The following C7orf78 variants were observed in gnomAD, a reference collection of about 807,000 sequenced individuals.
C7orf78 encodes the protein putative uncharacterized protein C7orf78.
the C7orf78 span, among the ~76,000 whole-genome samples, chr7:12,521,729 C>G: frequency 6.9e-6 from 1 of 145,080 alleles, no homozygotes; most frequent in South Asian, 2.3e-4. Flanking sequence ...TTCTGAAATA[C>G]AAATAACTTG....
the C7orf78 span, among the ~76,000 whole-genome samples, chr7:12,526,526 T>C: frequency 1.3e-5 from 2 of 152,186 alleles, no homozygotes. Context: ...TTAACAGTGT[T>C]TGTCTCTGGA....
At chr7:12,535,341 G>C in the C7orf78 span, among the ~76,000 whole-genome samples, 12 of 152,246 alleles carry the variant, frequency 7.9e-5, no homozygotes, top group African/African-American at 2.9e-4. Flanking sequence ...GATGGCAGCA[G>C]GCAAAAAGAG....
At chr7:12,490,486 A>T in the C7orf78 span, among the ~76,000 whole-genome samples, 1 of 152,264 alleles carries the variant, frequency 6.6e-6, no homozygotes, top group African/African-American at 2.4e-5. Context: ...AGGGGAAGGA[A>T]GATTTTTATT....
chr7:12,484,682 A>T, the C7orf78 span, among the ~76,000 whole-genome samples: 21 of 152,210 alleles, frequency 1.4e-4, no homozygotes, highest in Non-Finnish European at 2.9e-4. Flanking sequence ...CATGTCATAC[A>T]TCTGGAGGTG....
the C7orf78 span, among the ~76,000 whole-genome samples, chr7:12,536,519 C>T: frequency 2.6e-5 from 4 of 152,228 alleles, no homozygotes; most frequent in South Asian, 4.2e-4. Context: ...TCAGACATGC[C>T]GTGGAGACAT....
chr7:12,519,799 C>G, the C7orf78 span, among the ~76,000 whole-genome samples: 3 of 152,116 alleles, frequency 2.0e-5, no homozygotes, highest in African/African-American at 7.2e-5. Flanking sequence ...GCCTCCGTAG[C>G]CCTCTGGGTG....
chr7:12,507,025 C>A, the C7orf78 span: 1 of 436,100 alleles, frequency 2.3e-6, no homozygotes, highest in Non-Finnish European at 4.6e-6. Context: ...AGAAAAGGGC[C>A]GGGCGCGGTG....
chr7:12,505,810 T>C, the C7orf78 span, among the ~76,000 whole-genome samples: 1 of 152,184 alleles, frequency 6.6e-6, no homozygotes, highest in Non-Finnish European at 1.5e-5. Context: ...ATTCAAGTAG[T>C]TCTCCAGTTG....
chr7:12,515,260 C>A, the C7orf78 span, among the ~76,000 whole-genome samples: 1 of 152,108 alleles, frequency 6.6e-6, no homozygotes, highest in Non-Finnish European at 1.5e-5. Context: ...ATACTATTCT[C>A]GTGATAGTGA....
At chr7:12,533,933 T>C in the C7orf78 span, among the ~76,000 whole-genome samples, 3 of 152,194 alleles carry the variant, frequency 2.0e-5, no homozygotes, top group African/African-American at 7.2e-5. Flanking sequence ...CTGGGAAGCA[T>C]ACTTCAAAAG....
At chr7:12,493,010 C>A in the C7orf78 span, among the ~76,000 whole-genome samples, 30,935 of 152,058 alleles carry the variant, frequency 0.2, 4,362 homozygotes, top group African/African-American at 0.4. Flanking sequence ...TGAAACCAGC[C>A]TGGGTCACAT....
chr7:12,495,013 T>C, the C7orf78 span, among the ~76,000 whole-genome samples: 1 of 152,208 alleles, frequency 6.6e-6, no homozygotes, highest in African/African-American at 2.4e-5. Context: ...AGTCAGTCTG[T>C]TCTGCCCGTC....
At chr7:12,531,147 T>A in the C7orf78 span, 1 of 398,062 alleles carries the variant, frequency 2.5e-6, no homozygotes, top group South Asian at 1.3e-4. Flanking sequence ...TCTTTAACAT[T>A]ACTACTCAAT....
the C7orf78 span, among the ~76,000 whole-genome samples, chr7:12,505,132 A>G: frequency 6.6e-6 from 1 of 152,074 alleles, no homozygotes; most frequent in Admixed American, 6.5e-5. Context: ...TGTCACTATT[A>G]TGGTGAAGTT....
At chr7:12,497,250 G>A in the C7orf78 span, among the ~76,000 whole-genome samples, 3 of 152,306 alleles carry the variant, frequency 2.0e-5, no homozygotes, top group African/African-American at 7.2e-5. Context: ...AACAGCTCCG[G>A]TCTACAGCTC....
At chr7:12,484,961 G>A in the C7orf78 span, among the ~76,000 whole-genome samples, 20 of 151,968 alleles carry the variant, frequency 1.3e-4, no homozygotes, top group African/African-American at 4.1e-4. Flanking sequence ...TATATTTTGC[G>A]TCTTTGTGTG....
the C7orf78 span, among the ~76,000 whole-genome samples, chr7:12,535,599 G>A: frequency 6.6e-6 from 1 of 152,096 alleles, no homozygotes; most frequent in Non-Finnish European, 1.5e-5. Context: ...CTTCCCAACA[G>A]TCACCCTAAG....
chr7:12,509,376 C>T, the C7orf78 span, among the ~76,000 whole-genome samples: 184 of 152,290 alleles, frequency 1.2e-3, no homozygotes, highest in Admixed American at 2.9e-3. Flanking sequence ...CTAGGAGTTA[C>T]TGCTTTGAGA....
chr7:12,537,871 T>G, the C7orf78 span, among the ~76,000 whole-genome samples: 17 of 151,614 alleles, frequency 1.1e-4, no homozygotes, highest in African/African-American at 4.1e-4. Context: ...TACTTAGGAG[T>G]TTTTTAAAAG....
Sources: gnomAD v4.1 joint callset for allele counts (sites outside exome capture counted in the v4.1 genomes callset) on GRCh38, gnomAD v4.1.1 for gene constraint, MANE v1.5 for transcripts, NCBI Gene and HGNC (gene_info 2026-07-23, HGNC 2026-07-21) for gene names.